The following PKHD1L1 variants were observed in gnomAD, a reference collection of about 807,000 sequenced individuals.
PKHD1L1 encodes the protein fibrocystin-L.
In PKHD1L1, 434 loss-of-function variants were observed where a neutral mutation model predicts 462.9. That is an observed-to-expected ratio of 0.94 (90% confidence interval 0.87 to 1.02). PKHD1L1 has a LOEUF of 1.02. Among genes scored for constraint, PKHD1L1 ranks in the 50% least tolerant of loss-of-function variants. The probability of loss-of-function intolerance (pLI) is 0.00; values close to 1 mark genes in which losing one functional copy is unlikely to be tolerated. For missense variants in PKHD1L1, 5,202 were observed against 5,096.1 expected (o/e 1.02, Z -0.63); for synonymous variants, 1,781 against 1,750.0 (o/e 1.02, Z -0.44).
Position 109,459,810 on chromosome 8 carries a change from C to A in PKHD1L1, c.7220C>A (p.Pro2407His). The change falls in exon 47 of 78, where the codon CCT becomes CAT. Residue 2407 changes from proline to histidine, a missense_variant. Pro to His is a moderately conservative substitution (Grantham distance 77). Coordinates refer to ENST00000378402, the MANE Select transcript of PKHD1L1 (RefSeq NM_177531.6). ...SDNVEWNNKIPACPDGFDTGE... is the reference protein window; with the variant it reads ...SDNVEWNNKIHACPDGFDTGE... ...AATGTTGAGTGGAATAACAAAATTC[C>A]TGCATGTCCTGATGGATTTGACACA... The A allele has an allele frequency of 6.2e-7, 1 of 1,611,014 alleles. No individual in the cohort carries two copies. Among genetic ancestry groups the A allele is most frequent in the Non-Finnish European group, 8.5e-7 (1 of 1,178,338 alleles).
rs1816361896 is a variant in PKHD1L1 at position 109,449,479 on chromosome 8, C to G, written c.6167C>G (p.Ser2056Cys). The G allele has an allele frequency of 6.3e-7, 1 of 1,589,786 alleles. No individual in the cohort carries two copies. The highest frequency in any genetic ancestry group is 1.3e-5 in the African/African-American group (1 of 74,344). Reference sequence around the variant, plus strand: ...ACAACACTATTATGTGAAATTCCATCTAATAATGGTAAGTTGTCAGAAAAA... The same window carrying G: ...ACAACACTATTATGTGAAATTCCATGTAATAATGGTAAGTTGTCAGAAAAA... ...DYTTLLCEIP[S>C]NNGTGAEQAC... The change falls in exon 40 of 78, where the codon TCT becomes TGT. Residue 2056 changes from serine (S) to cysteine (C), a missense_variant. Around this residue, in one of 3 missense-constraint regions of PKHD1L1, gnomAD observed 4,497 missense variants for 4,336.8 expected, o/e 1.04. Coordinates refer to ENST00000378402, the MANE Select transcript of PKHD1L1 (RefSeq NM_177531.6).
chr8:109,372,254 C>T (rs1006337023), intron 2 of PKHD1L1, among the ~76,000 whole-genome samples: 1 of 152,128 alleles, frequency 6.6e-6, no homozygotes, highest in Non-Finnish European at 1.5e-5. Flanking sequence ...GTATTTTATT[C>T]TCTTTGAAGC....
rs375210526 is a variant in PKHD1L1 at position 109,382,440 on chromosome 8, T to C, written c.309-23T>C. On this transcript the variant is annotated intron_variant, in intron 3 of 77. Transcript: ENST00000378402. Reference sequence around the variant, plus strand: ...AATAAGAGAGGAATTGCATGTCTCATATATTCTTCATTTTCTTTATAGAGC... The same window carrying C: ...AATAAGAGAGGAATTGCATGTCTCACATATTCTTCATTTTCTTTATAGAGC... 6 of 1,571,082 alleles carry C rather than the reference T, an allele frequency of 3.8e-6. No homozygotes were observed. In the East Asian group the frequency reaches 1.2e-4, roughly 30 times the overall value.
intron 23 of PKHD1L1, among the ~76,000 whole-genome samples, chr8:109,422,135 A>T (rs919024563): frequency 1.3e-5 from 2 of 152,086 alleles, no homozygotes; most frequent in Non-Finnish European, 2.9e-5. Flanking sequence ...CCCAATGATA[A>T]TTTTTTTGTA....
At chr8:109,449,538 T>C (rs1816366062) in intron 40 of PKHD1L1, 51 bp downstream of exon 40, 1 of 1,456,822 alleles carries the variant, frequency 6.9e-7, no homozygotes, top group African/African-American at 1.4e-5. Context: ...GTTAATTTTA[T>C]AAAGATCAGT....
intron 71 of PKHD1L1, among the ~76,000 whole-genome samples, chr8:109,511,767 C>T (rs1363133846): frequency 6.6e-6 from 1 of 152,144 alleles, no homozygotes; most frequent in East Asian, 1.9e-4. Flanking sequence ...GAGGAATCAC[C>T]ACACTGACTT....
intron 5 of PKHD1L1, among the ~76,000 whole-genome samples, chr8:109,385,008 G>T (rs1812362765): frequency 6.6e-6 from 1 of 151,848 alleles, no homozygotes; most frequent in African/African-American, 2.4e-5. Flanking sequence ...TTTAAAACAT[G>T]TTAATGATTT....
At chr8:109,410,726 CT>C (rs71303459) in intron 19 of PKHD1L1, among the ~76,000 whole-genome samples, 462 of 68,372 alleles carry the variant, frequency 6.8e-3, no homozygotes, top group Middle Eastern at 0.042. Flanking sequence ...TTTTCTTTTT[CT>C]TTTTTTTTTT....
At chr8:109,372,341 T>C (rs1353086862) in intron 2 of PKHD1L1, among the ~76,000 whole-genome samples, 8 of 152,330 alleles carry the variant, frequency 5.3e-5, no homozygotes, top group East Asian at 1.9e-4. Context: ...TTGTGATTTT[T>C]GCACATTGAT....
intron 46 of PKHD1L1, among the ~76,000 whole-genome samples, chr8:109,458,954 A>C (rs1381129213): frequency 1.3e-5 from 2 of 152,148 alleles, no homozygotes; most frequent in Non-Finnish European, 2.9e-5. Context: ...ACATTATAGA[A>C]CTGGCAAATC....
At chr8:109,395,946 A>T (rs1009293412) in intron 10 of PKHD1L1, 81 bp from the exon 11 acceptor site, 1 of 901,642 alleles carries the variant, frequency 1.1e-6, no homozygotes, top group East Asian at 2.7e-5. Context: ...ATGGCTAGGT[A>T]ATTTGGAATT....
In PKHD1L1 at chr8:109,435,281, A is replaced by AG; in HGVS notation, c.3437dup (p.Glu1147Ter). 1 of 1,613,910 alleles carries AG rather than the reference A, an allele frequency of 6.2e-7. No homozygotes were observed. Among genetic ancestry groups the AG allele is most frequent in the African/African-American group, 1.3e-5 (1 of 75,040 alleles). Reference sequence around the variant, plus strand: ...CTGATGTTGGACTAGCACAGAATGTAGGGGGTGAAGAGTTCTACTTTGTTT... The same window carrying AG: ...CTGATGTTGGACTAGCACAGAATGTAGGGGGGTGAAGAGTTCTACTTTGTTT... On this transcript the variant is annotated frameshift_variant, in exon 29 of 78. Coordinates refer to ENST00000378402, the MANE Select transcript of PKHD1L1 (RefSeq NM_177531.6). LOFTEE classifies it high-confidence loss of function.
Position 109,362,546 on chromosome 8 carries a change from G to T in PKHD1L1, c.-35G>T, listed in dbSNP as rs373197226. 4 of 1,568,686 alleles carry T rather than the reference G, an allele frequency of 2.5e-6. No homozygotes were observed. The African/African-American group carries it at 4.1e-5, about 16-fold the overall frequency. On this transcript the variant is annotated 5_prime_UTR_variant, in exon 1 of 78. Transcript: ENST00000378402. Reference sequence around the variant, plus strand: ...GCTCCAGCACTAGAGCCAGCTGCGAGCGGAGGGCACCAACTCCGCAGAACT... The same window carrying T: ...GCTCCAGCACTAGAGCCAGCTGCGATCGGAGGGCACCAACTCCGCAGAACT...
intron 14 of PKHD1L1, among the ~76,000 whole-genome samples, chr8:109,401,964 C>T (rs1383574927): frequency 1.3e-5 from 2 of 152,152 alleles, no homozygotes; most frequent in Non-Finnish European, 1.5e-5. Context: ...AGATTGTTGC[C>T]ACTTTTAATA....
In PKHD1L1 at chr8:109,498,515, T is replaced by C; in HGVS notation, c.10653T>C (p.Thr3551=). Residue 3551 remains threonine, a synonymous_variant, in exon 66 of 78, where the codon ACT becomes ACC. Transcript: ENST00000378402. The stretch of plus-strand genomic sequence containing the variant: ...GGTTTAATTGCTCTGATGTCCTAAC[T>C]AATGATGATCCTAATATTGAACTCA... The part of the protein sequence containing the change: ...SPGFNCSDVL[T]NDDPNIELTA... The C allele has an allele frequency of 6.2e-7, 1 of 1,613,882 alleles. No individual in the cohort carries two copies. The highest frequency in any genetic ancestry group is 1.7e-5 in the Admixed American group (1 of 60,028).
At chr8:109,384,544 G>C (rs769436051) in intron 5 of PKHD1L1, among the ~76,000 whole-genome samples, 19 of 151,866 alleles carry the variant, frequency 1.3e-4, no homozygotes, top group Non-Finnish European at 2.1e-4. Flanking sequence ...AAAGAAAAAA[G>C]TACCAATATT....
At chr8:109,381,940 T>G (rs1276604394) in intron 3 of PKHD1L1, among the ~76,000 whole-genome samples, 2 of 152,174 alleles carry the variant, frequency 1.3e-5, no homozygotes, top group Non-Finnish European at 2.9e-5. Context: ...CCCAAATTCA[T>G]GTATGTTATT....
Position 109,450,955 on chromosome 8 carries a change from G to C in PKHD1L1, c.6176-20G>C. ...GGGCCCGATGGCAGAACTGCATTCA[G>C]TCTGATCTTCCTTTCATAGGCACGG... On this transcript the variant is annotated intron_variant, in intron 40 of 77. Transcript: ENST00000378402. The C allele has an allele frequency of 6.3e-7, 1 of 1,578,400 alleles. No individual in the cohort carries two copies. Among genetic ancestry groups the C allele is most frequent in the South Asian group, 1.1e-5 (1 of 87,338 alleles).
At position 109,410,726 on chromosome 8, in the gene PKHD1L1, C is replaced by CTTTTTTTTTTTTTTT. The variant is rs71303459; in HGVS notation, c.2085+755_2085+769dup. Among the ~76,000 whole-genome samples the CTTTTTTTTTTTTTTT allele has an allele frequency of 8.8e-4, 60 of 68,390 alleles. 1 individual carries two copies. The highest frequency in any genetic ancestry group is 2.4e-3 in the African/African-American group (30 of 12,266). 44.9% of individuals were successfully genotyped at this position (68,390 alleles called of 152,430 possible). A position where few individuals can be genotyped will look rare whatever the true frequency, so the allele number is the denominator to read the frequency against. On this transcript the variant is annotated intron_variant, in intron 19 of 77. Coordinates refer to ENST00000378402, the MANE Select transcript of PKHD1L1 (RefSeq NM_177531.6). Reference sequence around the variant, plus strand: ...TTCTTTTTTCTTTTCTTTTCTTTTTCTTTTTTTTTTTTTTTTTTTTTGAGA... The same window carrying CTTTTTTTTTTTTTTT: ...TTCTTTTTTCTTTTCTTTTCTTTTTCTTTTTTTTTTTTTTTTTTTTTTTTTTTTTTTTTTTTGAGA...
Sources: gnomAD v4.1 joint callset for allele counts (sites outside exome capture counted in the v4.1 genomes callset) on GRCh38, gnomAD v4.1.1 for gene constraint, gnomAD v4.1.1 regional missense constraint, MANE v1.5 for transcripts, NCBI Gene and HGNC (gene_info 2026-07-23, HGNC 2026-07-21) for gene names.